Variants in ERGIC1 observed in about 807,000 individuals in gnomAD.
ERGIC1 encodes the protein endoplasmic reticulum-Golgi intermediate compartment protein 1.
Under a neutral mutation model 38.3 loss-of-function variants are expected in ERGIC1, and 19 were observed. That is an observed-to-expected ratio of 0.50 (90% confidence interval 0.35 to 0.73). The LOEUF is 0.73. ERGIC1 is among the 30% of genes least tolerant of loss of function. The pLI is 0.01. For synonymous variants in ERGIC1, 124 were observed against 157.6 expected (o/e 0.79, Z 1.60); for missense variants, 294 against 389.2 (o/e 0.76, Z 2.06).
chr5:172,835,071 C>T (rs1294257648), intron 1 of ERGIC1, among the ~76,000 whole-genome samples: 1 of 152,210 alleles, frequency 6.6e-6, no homozygotes, highest in Non-Finnish European at 1.5e-5. Flanking sequence ...CCTTGGCTTT[C>T]TGCAGTCACC....
intron 1 of ERGIC1, among the ~76,000 whole-genome samples, chr5:172,851,290 C>T (rs1426536155): frequency 2.0e-5 from 3 of 151,526 alleles, no homozygotes; most frequent in African/African-American, 7.3e-5. Context: ...AGCCGGATCA[C>T]CTGAGGTCAG....
At chr5:172,934,896 T>C in intron 8 of ERGIC1, 1 of 418,226 alleles carries the variant, frequency 2.4e-6, no homozygotes, top group East Asian at 4.4e-5. Context: ...AAAATTGCAC[T>C]TTTCCTTTTA....
At chr5:172,856,481 G>C (rs1397935617) in intron 1 of ERGIC1, among the ~76,000 whole-genome samples, 2 of 152,168 alleles carry the variant, frequency 1.3e-5, no homozygotes, top group Non-Finnish European at 2.9e-5. Context: ...AGAGGTGAAG[G>C]GATTCTAGCC....
chr5:172,895,438 T>C (rs1216424508), intron 2 of ERGIC1, among the ~76,000 whole-genome samples: 1 of 152,128 alleles, frequency 6.6e-6, no homozygotes, highest in Non-Finnish European at 1.5e-5. Context: ...TAAGTGCCTC[T>C]GGGATAAACT....
chr5:172,935,557 T>C, intron 9 of ERGIC1: 1 of 468,368 alleles, frequency 2.1e-6, no homozygotes, highest in South Asian at 3.5e-5. Flanking sequence ...GAAATCCATT[T>C]AATTCCTGAA....
At chr5:172,845,876 G>T (rs374059037) in intron 1 of ERGIC1, among the ~76,000 whole-genome samples, 1 of 151,700 alleles carries the variant, frequency 6.6e-6, no homozygotes, top group South Asian at 2.1e-4. Context: ...CCCATCGAAG[G>T]TCCCACATTT....
At chr5:172,878,882 C>T (rs1762214726) in intron 1 of ERGIC1, among the ~76,000 whole-genome samples, 2 of 152,296 alleles carry the variant, frequency 1.3e-5, no homozygotes, top group South Asian at 4.1e-4. Context: ...AGTAGGTGAA[C>T]AAACGAGTGA....
chr5:172,928,151 C>T (rs1763697801), intron 7 of ERGIC1, among the ~76,000 whole-genome samples: 1 of 152,168 alleles, frequency 6.6e-6, no homozygotes, highest in African/African-American at 2.4e-5. Context: ...CTACGATGGA[C>T]CCTCAGCTGC....
At chr5:172,914,568 T>G (rs956820389) in intron 4 of ERGIC1, 146 bp from the exon 5 acceptor site, 1 of 1,342,574 alleles carries the variant, frequency 7.4e-7, no homozygotes, top group Non-Finnish European at 1.0e-6. Flanking sequence ...CCTGTAGTCT[T>G]TGGACCCCAG....
chr5:172,859,391 C>T (rs1232817448), intron 1 of ERGIC1, among the ~76,000 whole-genome samples: 1 of 152,076 alleles, frequency 6.6e-6, no homozygotes, highest in Admixed American at 6.5e-5. Context: ...ACTCCCATGG[C>T]CGCCTCCTTA....
At chr5:172,859,051 C>T (rs1027509729) in intron 1 of ERGIC1, among the ~76,000 whole-genome samples, 15 of 152,190 alleles carry the variant, frequency 9.9e-5, no homozygotes, top group African/African-American at 3.1e-4. Flanking sequence ...AGGTCTGGGT[C>T]GTCATCGGCG....
In ERGIC1 at chr5:172,909,168, C is replaced by CT. The variant is rs70984920; in HGVS notation, c.156-481dup. Among the ~76,000 whole-genome samples, 307 of 80,862 alleles carry CT rather than the reference C, an allele frequency of 3.8e-3. 10 individuals are homozygous for CT. The highest frequency in any genetic ancestry group is 0.017 in the South Asian group (34 of 1,952). The allele number at this position is 80,862 out of a possible 152,430, so 53.0% of individuals were successfully genotyped here. A position where few individuals can be genotyped will look rare whatever the true frequency, so the allele number is the denominator to read the frequency against. ...CTTTCCTGAGCCCCAGCCCTCCCCT[C>CT]TTTTTTTTTTTTTTTTTTGAGACGG... On this transcript the variant is annotated intron_variant, in intron 3 of 9. Transcript: ENST00000393784.
At chr5:172,945,210 C>T (rs1219628678) in intron 9 of ERGIC1, among the ~76,000 whole-genome samples, 5 of 152,228 alleles carry the variant, frequency 3.3e-5, no homozygotes, top group Non-Finnish European at 7.3e-5. Flanking sequence ...GCCTAAGGTG[C>T]TTTGCCCCAC....
chr5:172,899,048 C>G (rs911277119), intron 3 of ERGIC1, among the ~76,000 whole-genome samples: 3 of 152,114 alleles, frequency 2.0e-5, no homozygotes, highest in Non-Finnish European at 2.9e-5. Context: ...GCTTGGCAGG[C>G]CTGTCATGTT....
chr5:172,898,835 T>C (rs1762797739), intron 3 of ERGIC1, among the ~76,000 whole-genome samples: 1 of 152,108 alleles, frequency 6.6e-6, no homozygotes, highest in African/African-American at 2.4e-5. Flanking sequence ...TAATGGGAGA[T>C]GGCCATGTCC....
intron 1 of ERGIC1, among the ~76,000 whole-genome samples, chr5:172,885,886 C>T (rs1581541078): frequency 1.3e-5 from 2 of 152,300 alleles, no homozygotes; most frequent in Non-Finnish European, 2.9e-5. Context: ...CTCATTTGTC[C>T]TGTAGAGTGT....
Position 172,901,378 on chromosome 5 carries a change from C to T in ERGIC1, c.155+4304C>T, listed in dbSNP as rs371307109. Among the ~76,000 whole-genome samples, 71 of 152,298 alleles carry T rather than the reference C, an allele frequency of 4.7e-4. 1 individual carries two copies. In the East Asian group the frequency reaches 0.012, roughly 25 times the overall value. On this transcript the variant is annotated intron_variant, in intron 3 of 9. Coordinates refer to ENST00000393784, the MANE Select transcript of ERGIC1 (RefSeq NM_001031711.3). The stretch of plus-strand genomic sequence containing the variant: ...TGTTTTCAGGGAGCAGGCCCCTCCT[C>T]AGGCAACCTGGCCACAGAATGTTCC...
At chr5:172,928,626 C>T (rs542227130) in intron 7 of ERGIC1, among the ~76,000 whole-genome samples, 23 of 152,284 alleles carry the variant, frequency 1.5e-4, no homozygotes, top group East Asian at 1.2e-3. Context: ...CTGCCTTGCC[C>T]ACTGCTTTGT....
chr5:172,834,461 G>C lies in ERGIC1; in HGVS notation c.20+28G>C. ...GAGTGTGGCGACCCCGGCCAGTCGG[G>C]AGTTCCCTCAGCGGGCAGAGGGAGC... On this transcript the variant is annotated intron_variant, in intron 1 of 9. Transcript: ENST00000393784. This position sits in a 1 kb window ranked among gnomAD's most constrained non-coding sequence, Gnocchi z 4.1. The C allele has an allele frequency of 7.6e-7, 1 of 1,309,210 alleles. No individual in the cohort carries two copies. The allele number at this position is 1,309,210 out of a possible 1,614,324, so 81.1% of individuals were successfully genotyped here.
Sources: allele counts gnomAD v4.1 joint callset (sites outside exome capture counted in the v4.1 genomes callset), GRCh38; gene constraint gnomAD v4.1.1; non-coding constraint Gnocchi (gnomAD v3.1); transcripts MANE v1.5; gene names NCBI Gene and HGNC (gene_info 2026-07-23, HGNC 2026-07-21).